ELP2: variants seen among roughly 807,000 people sequenced by gnomAD.
ELP2 encodes elongator complex protein 2.
Under a neutral mutation model 119.2 loss-of-function variants are expected in ELP2, and 90 were observed. That is an observed-to-expected ratio of 0.75 (90% confidence interval 0.64 to 0.90). The LOEUF (loss-of-function observed/expected upper bound fraction) is 0.90. Among genes scored for constraint, ELP2 ranks in the 40% least tolerant of loss-of-function variants. The pLI, the probability that ELP2 is intolerant of heterozygous loss-of-function variation, is 0.00. For synonymous variants in ELP2, 339 were observed against 331.0 expected (o/e 1.02, Z -0.26); for missense variants, 921 against 967.8 (o/e 0.95, Z 0.64).
chr18:36,161,286 A>C (rs1040090722), intron 17 of ELP2, among the ~76,000 whole-genome samples: 1 of 152,180 alleles, frequency 6.6e-6, no homozygotes, highest in Non-Finnish European at 1.5e-5. Flanking sequence ...CCGGCTACTC[A>C]GGAGGCTGAG....
At chr18:36,138,097 G>A (rs2144598206) in intron 3 of ELP2, 173 bp from the exon 4 acceptor site, 2 of 614,874 alleles carry the variant, frequency 3.3e-6, no homozygotes, top group East Asian at 2.9e-5. Flanking sequence ...TGTGTCACAG[G>A]GCATGCACAT....
chr18:36,138,561 TC>T, intron 4 of ELP2, 135 bp downstream of exon 4: 1 of 1,092,676 alleles, frequency 9.2e-7, no homozygotes, highest in Non-Finnish European at 1.3e-6. Context: ...TCTAAATTTT[TC>T]TTTTGCACTT....
At chr18:36,145,085 A>G (rs376572355) in intron 9 of ELP2, 51 bp downstream of exon 9, 2 of 1,390,254 alleles carry the variant, frequency 1.4e-6, no homozygotes, top group African/African-American at 2.8e-5. Flanking sequence ...ATCTTATGGC[A>G]CAGTAAGCTG....
Position 36,139,747 on chromosome 18 carries a change from A to G in ELP2, c.523+875A>G, listed in dbSNP as rs2089957613. 5.2e-6 allele frequency: 3 copies of G among 573,302 alleles called. No homozygotes were observed. In the South Asian group the frequency reaches 1.3e-4, roughly 24 times the overall value. The allele number at this position is 573,302 out of a possible 1,614,324, so 35.5% of individuals were successfully genotyped here. ...AAGTCTCTTATCTAGCAGAGTCATC[A>G]GGGCTGCCCTTTGGTAATGCAAATT... On this transcript the variant is annotated intron_variant, in intron 5 of 21. Transcript: ENST00000358232.
At chr18:36,139,159 T>G (rs2089935051) in intron 5 of ELP2, among the ~76,000 whole-genome samples, 1 of 152,180 alleles carries the variant, frequency 6.6e-6, no homozygotes, top group Non-Finnish European at 1.5e-5. Context: ...ATAGGTCTAA[T>G]TTGAGGAAAG....
rs1024745973 is a variant in ELP2 at position 36,144,983 on chromosome 18, G to A, written c.841G>A (p.Gly281Ser). The A allele has an allele frequency of 2.5e-6, 4 of 1,613,772 alleles. No homozygotes were observed. The highest frequency in any genetic ancestry group is 1.7e-5 in the Admixed American group (1 of 59,982). The change falls in exon 9 of 22, where the codon GGT becomes AGT. Residue 281 changes from glycine to serine, a missense_variant. Coordinates refer to ENST00000358232, the MANE Select transcript of ELP2 (RefSeq NM_018255.4). ...FAVTLETVLAGHENWVNAVHW... is the reference protein window; with the variant it reads ...FAVTLETVLASHENWVNAVHW... ...TGTTACTCTGGAGACAGTGCTAGCC[G>A]GTCATGAAAACTGGGTAAATGCAGT...
At chr18:36,138,574 T>C (rs2089914504) in intron 4 of ELP2, 148 bp downstream of exon 4, 4 of 1,014,972 alleles carry the variant, frequency 3.9e-6, no homozygotes, top group African/African-American at 3.3e-5. Context: ...TTTGCACTTA[T>C]TTAAAATTCT....
chr18:36,161,132 A>T, intron 17 of ELP2, 128 bp downstream of exon 17: 1 of 724,754 alleles, frequency 1.4e-6, no homozygotes, highest in South Asian at 1.5e-5. Flanking sequence ...TTTGAATCTT[A>T]CTTTCTCAAT....
At chr18:36,174,460 C>A (rs769026570) in intron 21 of ELP2, 25 bp from the exon 22 acceptor site, 1 of 1,609,210 alleles carries the variant, frequency 6.2e-7, no homozygotes, top group African/African-American at 1.3e-5. Flanking sequence ...AAAAACATTT[C>A]ATGATTTCTC....
At position 36,164,480 on chromosome 18, in the gene ELP2, T is replaced by A; in HGVS notation, c.1767T>A (p.Ala589=). The A allele has an allele frequency of 6.2e-7, 1 of 1,613,836 alleles. No individual in the cohort carries two copies. The highest frequency in any genetic ancestry group is 1.1e-5 in the South Asian group (1 of 91,074). The change falls in exon 18 of 22, where the codon GCT becomes GCA. Residue 589 remains alanine, a synonymous_variant. Transcript: ENST00000358232. ...GTTTCATCTCTGTCCTATAGGCAGC[T>A]AAGAAAGAGCATGCAGCTATCATTC... ...KTLLASACKA[A]KKEHAAIILW...
intron 14 of ELP2, 104 bp from the exon 15 acceptor site, chr18:36,159,631 C>A (rs2144742593): frequency 1.2e-6 from 1 of 857,204 alleles, no homozygotes. Context: ...TGAATTGCAC[C>A]ACTTTGAATT....
At chr18:36,172,618 C>G (rs560609159) in intron 21 of ELP2, among the ~76,000 whole-genome samples, 1 of 152,290 alleles carries the variant, frequency 6.6e-6, no homozygotes, top group Non-Finnish European at 1.5e-5. Flanking sequence ...GGGAAGAAGT[C>G]TGTTGAAATT....
chr18:36,139,278 A>G, intron 5 of ELP2: 3 of 723,650 alleles, frequency 4.1e-6, no homozygotes, highest in South Asian at 3.9e-5. Flanking sequence ...ATCCCGAATA[A>G]TGACATTTTG....
chr18:36,141,178 A>G lies in ELP2; in HGVS notation c.565A>G (p.Ile189Val), dbSNP rs1308131193. 6.2e-6 allele frequency: 10 copies of G among 1,613,618 alleles called. No homozygotes were observed. Among genetic ancestry groups the G allele is most frequent in the South Asian group, 2.2e-5 (2 of 91,082 alleles). ...ACGNDDCRIH[I>V]FAQQNDQFQK... Reference sequence around the variant, plus strand: ...TGGCAATGATGATTGCAGAATTCACATATTTGCTCAACAAAATGATCAGGT... The same window carrying G: ...TGGCAATGATGATTGCAGAATTCACGTATTTGCTCAACAAAATGATCAGGT... Residue 189 changes from isoleucine (I) to valine (V), a missense_variant, in exon 6 of 22, where the codon ATA (isoleucine) becomes GTA (valine). Physicochemically the swap from Ile to Val is conservative, Grantham distance 29. Coordinates refer to ENST00000358232, the MANE Select transcript of ELP2 (RefSeq NM_018255.4).
chr18:36,158,607 G>A (rs1312408678), intron 13 of ELP2: 2 of 452,984 alleles, frequency 4.4e-6, no homozygotes, highest in Non-Finnish European at 8.0e-6. Flanking sequence ...ATGGGAGTTG[G>A]AGGCCTGGTA....
chr18:36,159,008 T>TG, intron 14 of ELP2, 104 bp downstream of exon 14: 1 of 818,638 alleles, frequency 1.2e-6, no homozygotes, highest in Non-Finnish European at 2.1e-6. Context: ...TGATTTTTTT[T>TG]TTAAATCACA....
rs570228898 is a variant in ELP2, at chr18:36,133,278, G to A, written c.179G>A (p.Arg60Gln). Residue 60 changes from arginine to glutamine, a missense_variant, in exon 2 of 22, where the codon CGA becomes CAA. Physicochemically the swap from Arg to Gln is conservative, Grantham distance 43. Transcript: ENST00000358232. ...VVTNLNGHTA[R>Q]VNCIQWICKQ... ...ACCAACTTGAATGGTCACACCGCCC[G>A]AGTCAATTGCATACAGTGGATTTGT... 55 of 1,613,944 alleles carry A rather than the reference G, an allele frequency of 3.4e-5. No individual in the cohort carries two copies. The Middle Eastern group carries it at 4.9e-4, about 15-fold the overall frequency.
intron 11 of ELP2, among the ~76,000 whole-genome samples, chr18:36,151,742 GTTTTTTTTT>G (rs71166098): frequency 9.1e-6 from 1 of 109,828 alleles, no homozygotes; most frequent in African/African-American, 3.5e-5. Context: ...GTTCTGTTCT[GTTTTTTTTT>G]TTTTTTTTTT....
chr18:36,147,900 G>A (rs764564096), intron 11 of ELP2, among the ~76,000 whole-genome samples: 6 of 152,084 alleles, frequency 3.9e-5, no homozygotes, highest in African/African-American at 9.7e-5. Flanking sequence ...AAGCAGAGAC[G>A]TGTAGGGTGA....
Sources: gnomAD v4.1 joint callset for allele counts (sites outside exome capture counted in the v4.1 genomes callset) on GRCh38, gnomAD v4.1.1 for gene constraint, MANE v1.5 for transcripts, NCBI Gene and HGNC (gene_info 2026-07-23, HGNC 2026-07-21) for gene names.